Variants in PRIM2 observed in about 807,000 individuals in gnomAD.
PRIM2 encodes DNA primase large subunit.
Under a neutral mutation model 67.3 loss-of-function variants are expected in PRIM2, and 39 were observed. That is an observed-to-expected ratio of 0.58 (90% confidence interval 0.45 to 0.76). The LOEUF (loss-of-function observed/expected upper bound fraction) is 0.76. PRIM2 is among the 30% of genes least tolerant of loss of function. PRIM2 has a pLI of 0.00. For missense variants in PRIM2, 398 were observed against 598.7 expected, an observed-to-expected ratio of 0.66 and a Z score of 3.50; for synonymous variants, 143 against 198.7, an observed-to-expected ratio of 0.72 and a Z score of 2.36.
At chr6:57,592,533 G>A (rs1270471066) in intron 10 of PRIM2, among the ~76,000 whole-genome samples, 5,729 of 152,194 alleles carry the variant, frequency 0.038, 141 homozygotes, top group Middle Eastern at 0.071. Context: ...GATGGCTCAC[G>A]CCTGTAATCT....
chr6:57,582,991 T>G (rs1198477371), intron 10 of PRIM2, among the ~76,000 whole-genome samples: 1 of 127,182 alleles, frequency 7.9e-6, no homozygotes, highest in Non-Finnish European at 1.6e-5. Flanking sequence ...CCTGTGTCCA[T>G]GTGTTCTCAT....
chr6:57,587,519 C>G (rs1397601399), intron 10 of PRIM2, among the ~76,000 whole-genome samples: 1 of 151,794 alleles, frequency 6.6e-6, no homozygotes, highest in Non-Finnish European at 1.5e-5. Context: ...AAAAAATTAG[C>G]TGGGCGTGGT....
At chr6:57,550,369 A>T (rs1337907934) in intron 10 of PRIM2, among the ~76,000 whole-genome samples, 2 of 152,170 alleles carry the variant, frequency 1.3e-5, no homozygotes, top group African/African-American at 4.8e-5. Context: ...TAATATTTAA[A>T]CATTGACTTG....
intron 13 of PRIM2, among the ~76,000 whole-genome samples, chr6:57,634,460 G>A (rs1445590765): frequency 1.3e-5 from 2 of 152,192 alleles, no homozygotes; most frequent in Admixed American, 6.5e-5. Flanking sequence ...TAGGAATCTC[G>A]CCAGATAAGC....
rs1310322745 is a variant in PRIM2, at chr6:57,543,749, A to AT, written c.1020+6135dup. ...TTACTTACCTGTGCCTGTTGCAGGC[A>AT]TTTTTTTTTTTAACACTTTGCTTTT... On this transcript the variant is annotated intron_variant, in intron 10 of 13. Coordinates refer to ENST00000615550, the MANE Select transcript of PRIM2 (RefSeq NM_000947.5). 1.3e-3 allele frequency among the ~76,000 whole-genome samples: 185 copies of AT among 147,676 alleles called. 1 individual carries two copies. Among genetic ancestry groups the AT allele is most frequent in the South Asian group, 3.0e-3 (14 of 4,660 alleles).
At chr6:57,525,083 C>T (rs1183623434) in intron 8 of PRIM2, among the ~76,000 whole-genome samples, 1 of 151,788 alleles carries the variant, frequency 6.6e-6, no homozygotes, top group African/African-American at 2.4e-5. Context: ...CCTGCCTTTG[C>T]TTGTGTTTTT....
At chr6:57,556,929 A>G (rs1775524084) in intron 10 of PRIM2, among the ~76,000 whole-genome samples, 3 of 146,908 alleles carry the variant, frequency 2.0e-5, no homozygotes, top group Non-Finnish European at 4.5e-5. Context: ...ATTTAAAAGA[A>G]AAACAAAAAA....
chr6:57,570,759 A>G (rs1274111516), intron 10 of PRIM2, among the ~76,000 whole-genome samples: 3 of 152,172 alleles, frequency 2.0e-5, no homozygotes, highest in African/African-American at 7.2e-5. Context: ...TGAACTATGC[A>G]TTCAAGATTA....
chr6:57,629,286 G>A (rs1777004960), intron 12 of PRIM2, among the ~76,000 whole-genome samples: 2 of 152,028 alleles, frequency 1.3e-5, no homozygotes, highest in Non-Finnish European at 2.9e-5. Flanking sequence ...AGAGACATGA[G>A]GTATCATACT....
rs1771011156 is a variant in PRIM2 at position 57,409,413 on chromosome 6, G to A, written c.693+27245G>A. Among the ~76,000 whole-genome samples, 3 of 152,170 alleles carry A rather than the reference G, an allele frequency of 2.0e-5. No homozygotes were observed. The South Asian group carries it at 6.2e-4, about 32-fold the overall frequency. ...GATGGTCTCAATCTCCTGACCTCGT[G>A]ATCGCCCTCCTTGGCCTCCCAAAGT... On this transcript the variant is annotated intron_variant, in intron 7 of 13. Coordinates refer to ENST00000615550, the MANE Select transcript of PRIM2 (RefSeq NM_000947.5).
At chr6:57,578,790 C>T (rs1412607581) in intron 10 of PRIM2, among the ~76,000 whole-genome samples, 1 of 150,974 alleles carries the variant, frequency 6.6e-6, no homozygotes, top group Non-Finnish European at 1.5e-5. Flanking sequence ...CATTCTCCTG[C>T]CTCAGCCTCC....
intron 7 of PRIM2, among the ~76,000 whole-genome samples, chr6:57,437,219 A>C (rs1772039466): frequency 6.6e-6 from 1 of 152,254 alleles, no homozygotes; most frequent in Non-Finnish European, 1.5e-5. Flanking sequence ...CGCCAAGGGC[A>C]TTGTGGTAAA....
the PRIM2 span, among the ~76,000 whole-genome samples, chr6:57,274,604 G>A: frequency 6.6e-6 from 1 of 152,222 alleles, no homozygotes; most frequent in Non-Finnish European, 1.5e-5. Context: ...GCCCTGCTTT[G>A]GCTCGTGCAC....
At chr6:57,356,271 T>G (rs1333870944) in intron 5 of PRIM2, among the ~76,000 whole-genome samples, 1 of 152,210 alleles carries the variant, frequency 6.6e-6, no homozygotes, top group Non-Finnish European at 1.5e-5. Flanking sequence ...TATATAATAG[T>G]ATTACCTCAT....
intron 10 of PRIM2, among the ~76,000 whole-genome samples, chr6:57,539,656 G>A (rs1466374987): frequency 0.039 from 2,798 of 70,998 alleles, 35 homozygotes; most frequent in South Asian, 0.069. Flanking sequence ...GTGTGTGTGT[G>A]TATATATATA....
At chr6:57,318,639 A>G in intron 2 of PRIM2, 40 bp downstream of exon 2, 3 of 1,461,228 alleles carry the variant, frequency 2.1e-6, no homozygotes, top group Non-Finnish European at 2.8e-6. Flanking sequence ...ATTCTTGAGA[A>G]GCTCACTTAC....
intron 7 of PRIM2, among the ~76,000 whole-genome samples, chr6:57,411,491 C>T (rs1771086698): frequency 1.3e-5 from 2 of 151,100 alleles, no homozygotes; most frequent in Admixed American, 6.6e-5. Context: ...GGAGGATCAC[C>T]TGAGCCTGGA....
intron 7 of PRIM2, among the ~76,000 whole-genome samples, chr6:57,396,756 A>G (rs1770528725): frequency 6.6e-6 from 1 of 151,926 alleles, no homozygotes; most frequent in African/African-American, 2.4e-5. Context: ...TTTGTTTTGT[A>G]GGTCTTGTGA....
chr6:57,549,620 G>C (rs1382214138), intron 10 of PRIM2, among the ~76,000 whole-genome samples: 1 of 151,974 alleles, frequency 6.6e-6, no homozygotes. Context: ...TTAAAATGTT[G>C]ATAAAGGGGT....
Sources: allele counts gnomAD v4.1 joint callset (sites outside exome capture counted in the v4.1 genomes callset), GRCh38; gene constraint gnomAD v4.1.1; transcripts MANE v1.5; gene names NCBI Gene and HGNC (gene_info 2026-07-23, HGNC 2026-07-21).